The following FUT8 variants were observed in gnomAD, a reference collection of about 807,000 sequenced individuals.
FUT8 encodes the protein alpha-(1,6)-fucosyltransferase.
Under a neutral mutation model 71.3 loss-of-function variants are expected in FUT8, and 29 were observed. The ratio of observed to expected loss-of-function variants is 0.41; its 90% confidence interval spans 0.30 to 0.55. The LOEUF (loss-of-function observed/expected upper bound fraction) is 0.55. Among genes scored for constraint, FUT8 ranks in the 20% least tolerant of loss-of-function variants. The probability of loss-of-function intolerance (pLI) is 0.34; values close to 1 mark genes in which losing one functional copy is unlikely to be tolerated. For synonymous variants in FUT8, 254 were observed against 239.3 expected, an observed-to-expected ratio of 1.06 and a Z score of -0.57; for missense variants, 544 against 702.1, an observed-to-expected ratio of 0.77 and a Z score of 2.55.
At chr14:65,592,874 T>C (rs1887766033) in intron 3 of FUT8, among the ~76,000 whole-genome samples, 1 of 152,224 alleles carries the variant, frequency 6.6e-6, no homozygotes, top group Non-Finnish European at 1.5e-5. Flanking sequence ...CATTCTTTAA[T>C]GCATCTTTCA....
At chr14:65,536,793 C>T (rs539838042) in intron 2 of FUT8, among the ~76,000 whole-genome samples, 100 of 152,186 alleles carry the variant, frequency 6.6e-4, no homozygotes, top group Admixed American at 1.4e-3. Context: ...GAATGTTGGC[C>T]TCTCTCTATA....
At chr14:65,395,224 G>A in the FUT8 span, among the ~76,000 whole-genome samples, 5 of 152,312 alleles carry the variant, frequency 3.3e-5, no homozygotes, top group South Asian at 1.0e-3. Context: ...GCTTTTCCAG[G>A]CACATGGTAC....
Position 65,472,685 on chromosome 14 carries a change from G to A in FUT8, c.-228+16967G>A, listed in dbSNP as rs956706901. The stretch of plus-strand genomic sequence containing the variant: ...AGGATGGTTATTAAAGCCCTATGCT[G>A]ATACTTTGGATTTATGGAACCAATT... On this transcript the variant is annotated intron_variant, in intron 2 of 10. Coordinates refer to ENST00000673929, the MANE Select transcript of FUT8 (RefSeq NM_001371533.1). The surrounding 1 kb of genome is among the most constrained non-coding windows in gnomAD (Gnocchi z 4.4). Among the ~76,000 whole-genome samples, 2 of 152,046 alleles carry A rather than the reference G, an allele frequency of 1.3e-5. No homozygotes were observed. Among genetic ancestry groups the A allele is most frequent in the African/African-American group, 4.8e-5 (2 of 41,394 alleles).
At chr14:65,611,310 GT>G (rs1888986791) in intron 3 of FUT8, among the ~76,000 whole-genome samples, 1 of 115,168 alleles carries the variant, frequency 8.7e-6, no homozygotes, top group Non-Finnish European at 1.7e-5. Context: ...CACCCCCCAA[GT>G]AATAGCCTTG....
chr14:65,421,319 A>G (rs1020243897), intron 1 of FUT8, among the ~76,000 whole-genome samples: 1 of 152,094 alleles, frequency 6.6e-6, no homozygotes, highest in African/African-American at 2.4e-5. Context: ...TGAGAGGAGA[A>G]GGAAGCGGAG....
chr14:65,607,660 A>G lies in FUT8; in HGVS notation c.204-8318A>G, dbSNP rs1000735436. 6.6e-6 allele frequency among the ~76,000 whole-genome samples: 1 copy of G among 151,886 alleles called. No individual in the cohort carries two copies. The highest frequency in any genetic ancestry group is 2.1e-4 in the South Asian group (1 of 4,792). On this transcript the variant is annotated intron_variant, in intron 3 of 10. Coordinates refer to ENST00000673929, the MANE Select transcript of FUT8 (RefSeq NM_001371533.1). The surrounding 1 kb of genome is among the most constrained non-coding windows in gnomAD (Gnocchi z 4.1). Reference sequence around the variant, plus strand: ...TTCTTTGTTATCCTTGTCTACTTCTATATCAATCTTATACTAATCTCAGGA... The same window carrying G: ...TTCTTTGTTATCCTTGTCTACTTCTGTATCAATCTTATACTAATCTCAGGA...
chr14:65,442,700 G>A, intron 1 of FUT8, among the ~76,000 whole-genome samples: 1 of 151,882 alleles, frequency 6.6e-6, no homozygotes, highest in East Asian at 1.9e-4. Flanking sequence ...GCTGGGCATG[G>A]TGGTACTTGC....
chr14:65,376,104 TAATAA>T, the FUT8 span, among the ~76,000 whole-genome samples: 1 of 149,752 alleles, frequency 6.7e-6, no homozygotes, highest in African/African-American at 2.5e-5. Context: ...AAAAAAAAAA[TAATAA>T]AATAAATAAA....
chr14:65,506,293 C>A (rs1407913793), intron 2 of FUT8, among the ~76,000 whole-genome samples: 1 of 152,042 alleles, frequency 6.6e-6, no homozygotes, highest in Non-Finnish European at 1.5e-5. Flanking sequence ...AGTAATAAGC[C>A]ATTTTTCAGT....
chr14:65,425,048 T>C (rs2065361468), intron 1 of FUT8, among the ~76,000 whole-genome samples: 1 of 152,216 alleles, frequency 6.6e-6, no homozygotes, highest in Non-Finnish European at 1.5e-5. Flanking sequence ...ATCAACATAT[T>C]TATTGAAAAA....
At chr14:65,400,602 A>T in the FUT8 span, among the ~76,000 whole-genome samples, 1 of 152,302 alleles carries the variant, frequency 6.6e-6, no homozygotes, top group South Asian at 2.1e-4. Context: ...TGGCTGTCTT[A>T]AGGCTGGGTG....
chr14:65,518,841 C>T (rs930946231), intron 2 of FUT8, among the ~76,000 whole-genome samples: 6 of 152,128 alleles, frequency 3.9e-5, no homozygotes, highest in East Asian at 1.9e-4. Context: ...TTTTGTAAAA[C>T]GTTTAGTAGA....
intron 2 of FUT8, among the ~76,000 whole-genome samples, chr14:65,479,388 C>T (rs994711137): frequency 3.9e-5 from 6 of 152,284 alleles, no homozygotes; most frequent in African/African-American, 1.2e-4. Context: ...CCAATTTACA[C>T]GGTTACCTTT....
At chr14:65,377,414 A>T in the FUT8 span, among the ~76,000 whole-genome samples, 1,547 of 152,332 alleles carry the variant, frequency 0.01, 24 homozygotes, top group East Asian at 0.053. Context: ...AAAAAAATTT[A>T]AAAAAACCCA....
intron 6 of FUT8, among the ~76,000 whole-genome samples, chr14:65,656,084 A>G (rs781063350): frequency 2.0e-5 from 3 of 152,198 alleles, no homozygotes; most frequent in South Asian, 2.1e-4. Context: ...GTTATTCAAC[A>G]TAGTGCTGAT....
chr14:65,713,060 C>T (rs1241837440), intron 7 of FUT8, among the ~76,000 whole-genome samples: 1 of 152,168 alleles, frequency 6.6e-6, no homozygotes, highest in Non-Finnish European at 1.5e-5. Flanking sequence ...CCTCCCACTA[C>T]CTTTTCCAGC....
chr14:65,513,172 C>T (rs1378501245), intron 2 of FUT8, among the ~76,000 whole-genome samples: 1 of 152,122 alleles, frequency 6.6e-6, no homozygotes, highest in African/African-American at 2.4e-5. Flanking sequence ...TGATTCTTTG[C>T]AAAGCTATTC....
intron 6 of FUT8, among the ~76,000 whole-genome samples, chr14:65,666,786 G>A (rs572593167): frequency 8.5e-5 from 13 of 152,192 alleles, no homozygotes; most frequent in African/African-American, 3.1e-4. Flanking sequence ...CAAAATAATA[G>A]CAAGCCAAAT....
chr14:65,451,592 G>T (rs1291669786), intron 1 of FUT8, among the ~76,000 whole-genome samples: 9 of 152,208 alleles, frequency 5.9e-5, no homozygotes, highest in Non-Finnish European at 1.3e-4. Flanking sequence ...TGTGGCTCCT[G>T]AGCTCTTGTC....
Sources: gnomAD v4.1 joint callset for allele counts (sites outside exome capture counted in the v4.1 genomes callset) on GRCh38, gnomAD v4.1.1 for gene constraint, Gnocchi (gnomAD v3.1) non-coding constraint, MANE v1.5 for transcripts, NCBI Gene and HGNC (gene_info 2026-07-23, HGNC 2026-07-21) for gene names.